Variants in REV3L observed in about 807,000 individuals in gnomAD.
REV3L encodes DNA polymerase zeta catalytic subunit.
A neutral mutation model predicts 299.4 loss-of-function variants in REV3L; 69 were observed. The ratio of observed to expected loss-of-function variants is 0.23; its 90% CI spans 0.19 to 0.28. The LOEUF (loss-of-function observed/expected upper bound fraction) is 0.28, where lower values mean the gene tolerates loss of function less well. REV3L is among the 10% of genes least tolerant of loss of function. The pLI is 1.00. For missense variants in REV3L, 3,128 were observed against 3,693.8 expected, an observed-to-expected ratio of 0.85 and a Z score of 3.97; for synonymous variants, 1,238 against 1,271.4, an observed-to-expected ratio of 0.97 and a Z score of 0.56.
At chr6:111,335,205 T>TAAA (rs1298630543) in intron 22 of REV3L, among the ~76,000 whole-genome samples, 1 of 152,208 alleles carries the variant, frequency 6.6e-6, no homozygotes, top group East Asian at 1.9e-4. Context: ...TCTCTAGTTT[T>TAAA]AAGGGACATC....
intron 4 of REV3L, among the ~76,000 whole-genome samples, chr6:111,395,057 C>T (rs1782350089): frequency 6.6e-6 from 1 of 151,984 alleles, no homozygotes; most frequent in African/African-American, 2.4e-5. Context: ...TATTATTTTG[C>T]TCAGCCTGTG....
chr6:111,329,814 A>C (rs1775206269), intron 24 of REV3L, 76 bp from the exon 25 acceptor site: 2 of 1,109,740 alleles, frequency 1.8e-6, no homozygotes, highest in African/African-American at 1.6e-5. Context: ...AGCATAAAAC[A>C]TAATAATGGC....
At chr6:111,308,272 C>T (rs1241396479) in intron 30 of REV3L, 3 of 453,782 alleles carry the variant, frequency 6.6e-6, no homozygotes, top group East Asian at 7.0e-5. Context: ...TTAGGTTAGC[C>T]TCTTACAAAT....
rs143000283 is a variant in REV3L at position 111,396,528 on chromosome 6, C to T, written c.566-3556G>A. The stretch of plus-strand genomic sequence containing the variant: ...ATAGAATGAGTTAGGAAGAATTTCC[C>T]CCTCTTCAAATTTCTAGACTAGTTT... On this transcript the variant is annotated intron_variant, in intron 4 of 31. Coordinates refer to ENST00000368802, the MANE Select transcript of REV3L (RefSeq NM_001372078.1). Among the ~76,000 whole-genome samples the T allele has an allele frequency of 2.0e-5, 3 of 152,020 alleles. No homozygotes were observed. In the East Asian group the frequency reaches 5.8e-4, roughly 29 times the overall value.
chr6:111,429,442 CT>C (rs1225429765), intron 1 of REV3L, among the ~76,000 whole-genome samples: 1 of 152,132 alleles, frequency 6.6e-6, no homozygotes, highest in East Asian at 1.9e-4. Flanking sequence ...AAAAAGAAAG[CT>C]TGTAAAGGTA....
intron 1 of REV3L, among the ~76,000 whole-genome samples, chr6:111,461,467 AGTAAG>A (rs1443417275): frequency 6.6e-6 from 1 of 152,148 alleles, no homozygotes; most frequent in African/African-American, 2.4e-5. Flanking sequence ...TAAAAGTTAC[AGTAAG>A]GTAAGGCTAA....
chr6:111,458,099 A>G (rs1790352266), intron 1 of REV3L, among the ~76,000 whole-genome samples: 1 of 152,186 alleles, frequency 6.6e-6, no homozygotes, highest in South Asian at 2.1e-4. Context: ...CACCATAATC[A>G]AGTAGACTTT....
At chr6:111,391,347 T>C (rs1160419792) in intron 5 of REV3L, among the ~76,000 whole-genome samples, 1 of 152,194 alleles carries the variant, frequency 6.6e-6, no homozygotes, top group Non-Finnish European at 1.5e-5. Context: ...ATTACAGGTG[T>C]GAGCCATTGC....
chr6:111,352,058 T>C (rs1412929627), intron 18 of REV3L, among the ~76,000 whole-genome samples: 1 of 151,768 alleles, frequency 6.6e-6, no homozygotes, highest in African/African-American at 2.4e-5. Flanking sequence ...CCAGGCTGGA[T>C]TGCAGTGGCA....
At chr6:111,441,925 C>T (rs1788310011) in intron 1 of REV3L, among the ~76,000 whole-genome samples, 1 of 152,142 alleles carries the variant, frequency 6.6e-6, no homozygotes, top group Non-Finnish European at 1.5e-5. Flanking sequence ...CCTATGATTA[C>T]GTTTCAGTCT....
chr6:111,313,543 T>C, intron 27 of REV3L, 54 bp from the exon 28 acceptor site: 1 of 1,520,994 alleles, frequency 6.6e-7, no homozygotes, highest in Non-Finnish European at 8.8e-7. Context: ...CCACCAAGAA[T>C]GTTTTATTTT....
At chr6:111,380,289 T>G (rs768390197) in intron 10 of REV3L, 70 bp from the exon 11 acceptor site, 77 of 1,144,946 alleles carry the variant, frequency 6.7e-5, no homozygotes, top group Admixed American at 1.4e-4. Flanking sequence ...AGTCTTGCTC[T>G]CTCACCCAGG....
chr6:111,472,192 T>C, intron 1 of REV3L: 1 of 1,148,578 alleles, frequency 8.7e-7, no homozygotes, highest in South Asian at 1.5e-5. Context: ...ACTGCGAGTA[T>C]GCCAACATGT....
intron 24 of REV3L, chr6:111,331,068 G>A: frequency 2.3e-5 from 22 of 946,694 alleles, no homozygotes; most frequent in Non-Finnish European, 2.5e-5. Flanking sequence ...TAAGAAAATA[G>A]AAAAGAAAGG....
At chr6:111,437,456 A>G (rs1317982483) in intron 1 of REV3L, among the ~76,000 whole-genome samples, 1 of 151,694 alleles carries the variant, frequency 6.6e-6, no homozygotes, top group Non-Finnish European at 1.5e-5. Context: ...TAAAATTAAA[A>G]TATTTCAATT....
chr6:111,431,920 G>C (rs180781559), intron 1 of REV3L: 23 of 363,846 alleles, frequency 6.3e-5, no homozygotes, highest in African/African-American at 4.2e-4. Context: ...ATGTTCCAGA[G>C]GTTGGACTTG....
At chr6:111,343,851 G>A (rs566782478) in intron 21 of REV3L, 74 bp downstream of exon 21, 5 of 1,064,500 alleles carry the variant, frequency 4.7e-6, no homozygotes, top group Non-Finnish European at 5.5e-6. Context: ...CTTTAAATGT[G>A]TGCATTTTAT....
intron 25 of REV3L, among the ~76,000 whole-genome samples, chr6:111,328,640 C>A (rs1775075736): frequency 6.6e-6 from 1 of 152,084 alleles, no homozygotes. Flanking sequence ...AGTCACAGAT[C>A]CCCAAGAATA....
Position 111,367,893 on chromosome 6 carries a change from T to C in REV3L, c.5895A>G (p.Pro1965=), listed in dbSNP as rs1306175875. 1 of 1,614,184 alleles carries C rather than the reference T, an allele frequency of 6.2e-7. No individual in the cohort carries two copies. Among genetic ancestry groups the C allele is most frequent in the Non-Finnish European group, 8.5e-7 (1 of 1,180,022 alleles). The part of the protein sequence containing the change: ...AFSAMTQNPR[P]GSPLRSGQGV... Reference sequence around the variant, plus strand: ...CTTGGCCACTGCGAAGGGGTGACCCTGGCCTTGGATTCTGAGTCATTGCTG... The same window carrying C: ...CTTGGCCACTGCGAAGGGGTGACCCCGGCCTTGGATTCTGAGTCATTGCTG... Residue 1965 remains proline, a synonymous_variant, in exon 14 of 32, where the codon CCA becomes CCG. Coordinates refer to ENST00000368802, the MANE Select transcript of REV3L (RefSeq NM_001372078.1).
Sources: gnomAD v4.1 joint callset for allele counts (sites outside exome capture counted in the v4.1 genomes callset) on GRCh38, gnomAD v4.1.1 for gene constraint, MANE v1.5 for transcripts, NCBI Gene and HGNC (gene_info 2026-07-23, HGNC 2026-07-21) for gene names.